The following KSR2 variants were observed in gnomAD, a reference collection of about 807,000 sequenced individuals.
KSR2 encodes the protein kinase suppressor of ras 2.
Under a neutral mutation model 107.8 loss-of-function variants are expected in KSR2, and 25 were observed. The ratio of observed to expected loss-of-function variants is 0.23; its 90% CI spans 0.17 to 0.32. KSR2 has a LOEUF of 0.32. Among genes scored for constraint, KSR2 ranks in the 10% least tolerant of loss-of-function variants. The probability of loss-of-function intolerance (pLI) is 1.00; values close to 1 mark genes in which losing one functional copy is unlikely to be tolerated. For missense variants in KSR2, 887 were observed against 1,268.9 expected (o/e 0.70, Z 4.57); for synonymous variants, 480 against 507.0 (o/e 0.95, Z 0.71).
At chr12:117,933,769 T>G (rs1341941456) in intron 1 of KSR2, among the ~76,000 whole-genome samples, 2 of 152,178 alleles carry the variant, frequency 1.3e-5, no homozygotes, top group East Asian at 3.8e-4. Context: ...CTTTAAAATC[T>G]TCTTACCCTT....
At chr12:117,788,659 G>A (rs112081275) in intron 3 of KSR2, among the ~76,000 whole-genome samples, 3,417 of 152,200 alleles carry the variant, frequency 0.022, 137 homozygotes, top group African/African-American at 0.077. Flanking sequence ...GTATGACCAC[G>A]CCTGGCTTTT....
intron 3 of KSR2, among the ~76,000 whole-genome samples, chr12:117,785,257 A>T (rs945925927): frequency 6.6e-6 from 1 of 152,020 alleles, no homozygotes; most frequent in Non-Finnish European, 1.5e-5. Flanking sequence ...TCTACTAAAA[A>T]TACAAAAATT....
chr12:117,754,548 G>A (rs961060275), intron 4 of KSR2, among the ~76,000 whole-genome samples: 3 of 152,096 alleles, frequency 2.0e-5, no homozygotes, highest in African/African-American at 7.2e-5. Flanking sequence ...TGAGGCAGGA[G>A]AATCGCTTGT....
intron 5 of KSR2, among the ~76,000 whole-genome samples, chr12:117,639,107 G>C (rs1289906813): frequency 2.0e-5 from 3 of 151,920 alleles, no homozygotes; most frequent in Non-Finnish European, 4.4e-5. Flanking sequence ...CTTAGTTTTT[G>C]AAAATATTGT....
intron 5 of KSR2, among the ~76,000 whole-genome samples, chr12:117,646,388 A>G (rs1320389980): frequency 6.6e-6 from 1 of 152,142 alleles, no homozygotes; most frequent in African/African-American, 2.4e-5. Context: ...CAGCTCTGCG[A>G]GGCCGGGAAC....
chr12:117,697,960 T>C (rs550395292), intron 4 of KSR2, among the ~76,000 whole-genome samples: 1 of 152,038 alleles, frequency 6.6e-6, no homozygotes, highest in South Asian at 2.1e-4. Context: ...AAGGGGAAAC[T>C]TGGACACAGA....
At chr12:117,610,478 G>A (rs1166973418) in intron 5 of KSR2, among the ~76,000 whole-genome samples, 1 of 152,110 alleles carries the variant, frequency 6.6e-6, no homozygotes, top group South Asian at 2.1e-4. Context: ...GGTGGCTCAC[G>A]TCTGTAATCC....
intron 4 of KSR2, among the ~76,000 whole-genome samples, chr12:117,727,837 G>A (rs1887497126): frequency 6.6e-6 from 1 of 152,148 alleles, no homozygotes; most frequent in African/African-American, 2.4e-5. Context: ...ACCAATAAAT[G>A]ATGGTATATT....
intron 1 of KSR2, among the ~76,000 whole-genome samples, chr12:117,927,430 G>A (rs1593375880): frequency 6.6e-6 from 1 of 150,992 alleles, no homozygotes; most frequent in East Asian, 1.9e-4. Context: ...TGGTGGTTAT[G>A]TCTGTAATCC....
Position 117,793,838 on chromosome 12 carries a change from GCA to G in KSR2, c.473-32316_473-32315del, listed in dbSNP as rs200307031. 6.8e-3 allele frequency among the ~76,000 whole-genome samples: 854 copies of G among 125,342 alleles called. 7 individuals carry two copies. The highest frequency in any genetic ancestry group is 0.028 in the East Asian group (109 of 3,896). The allele number at this position is 125,342 out of a possible 152,430, so 82.2% of individuals were successfully genotyped here. On this transcript the variant is annotated intron_variant, in intron 3 of 19. Coordinates refer to ENST00000339824, the MANE Select transcript of KSR2 (RefSeq NM_173598.6). ...CCAACATGCACACTCACACCAACAT[GCA>G]CACACTCATACCATGCGCATATACA... is the stretch of plus-strand genomic sequence containing the variant.
chr12:117,604,836 C>T (rs1015841413), intron 5 of KSR2, among the ~76,000 whole-genome samples: 41 of 152,178 alleles, frequency 2.7e-4, no homozygotes, highest in African/African-American at 8.7e-4. Context: ...ACCCATCTGA[C>T]GGAGGTGGCC....
chr12:117,889,300 G>T (rs1566068576), intron 1 of KSR2, among the ~76,000 whole-genome samples: 1 of 152,172 alleles, frequency 6.6e-6, no homozygotes, highest in East Asian at 1.9e-4. Context: ...GCCGGGTGTG[G>T]AGGGGACCAG....
chr12:117,923,930 G>A (rs546881327), intron 1 of KSR2, among the ~76,000 whole-genome samples: 1 of 150,700 alleles, frequency 6.6e-6, no homozygotes, highest in East Asian at 2.0e-4. Context: ...CCAGGCTGGA[G>A]TGCAATGGTG....
At chr12:117,652,205 C>T (rs1364014842) in intron 5 of KSR2, among the ~76,000 whole-genome samples, 1 of 152,148 alleles carries the variant, frequency 6.6e-6, no homozygotes, top group Admixed American at 6.5e-5. Context: ...AAATATGGTA[C>T]AGTGTATACT....
chr12:117,570,610 GTC>G (rs2136214389), intron 7 of KSR2, among the ~76,000 whole-genome samples: 1 of 152,294 alleles, frequency 6.6e-6, no homozygotes, highest in Non-Finnish European at 1.5e-5. Flanking sequence ...GATTTAGTGG[GTC>G]TGTTTCTTTT....
chr12:117,545,336 TC>T (rs1251816767), intron 9 of KSR2, among the ~76,000 whole-genome samples: 2 of 152,214 alleles, frequency 1.3e-5, no homozygotes, highest in Non-Finnish European at 2.9e-5. Context: ...AGTATACTCT[TC>T]TATTTTTTGG....
Position 117,461,767 on chromosome 12 carries a change from G to C in KSR2, c.*5432C>G, listed in dbSNP as rs1034684204. Reference sequence around the variant, plus strand: ...TGTGCAGGTGAGGGTGAGGTGGTACGGGAGGAGGTGAGGCTGGGAGCCAGG... The same window carrying C: ...TGTGCAGGTGAGGGTGAGGTGGTACCGGAGGAGGTGAGGCTGGGAGCCAGG... On this transcript the variant is annotated 3_prime_UTR_variant, in exon 20 of 20. Coordinates refer to ENST00000339824, the MANE Select transcript of KSR2 (RefSeq NM_173598.6). The C allele has an allele frequency of 6.5e-6, 1 of 153,132 alleles. No homozygotes were observed. 9.5% of individuals were successfully genotyped at this position (153,132 alleles called of 1,614,324 possible).
chr12:117,859,680 C>G (rs955928178), intron 2 of KSR2, among the ~76,000 whole-genome samples: 6 of 151,846 alleles, frequency 4.0e-5, no homozygotes, highest in Non-Finnish European at 4.4e-5. Context: ...TGGTCCCAAA[C>G]TCCTGTGCTC....
In KSR2 at chr12:117,529,583, C is replaced by T. The variant is rs145188462; in HGVS notation, c.1802+1358G>A. 6.9e-3 allele frequency among the ~76,000 whole-genome samples: 1,050 copies of T among 152,192 alleles called. 13 individuals carry two copies. The highest frequency in any genetic ancestry group is 0.027 in the Middle Eastern group (8 of 294). ...AAAGAGGGTCTGTTTCCTAAGGATG[C>T]TATGCACAAAGATGTTCATTGCAGC... On this transcript the variant is annotated intron_variant, in intron 12 of 19. Coordinates refer to ENST00000339824, the MANE Select transcript of KSR2 (RefSeq NM_173598.6).
Sources: allele counts gnomAD v4.1 joint callset (sites outside exome capture counted in the v4.1 genomes callset), GRCh38; gene constraint gnomAD v4.1.1; transcripts MANE v1.5; gene names NCBI Gene and HGNC (gene_info 2026-07-23, HGNC 2026-07-21).